ABCA4: variants seen among roughly 807,000 people sequenced by gnomAD.
ABCA4 encodes the protein ATP binding cassette subfamily A member 4.
In ABCA4, 196 loss-of-function variants were observed where a neutral mutation model predicts 263.7. The ratio of observed to expected loss-of-function variants is 0.74; its 90% CI spans 0.66 to 0.84. The LOEUF is 0.84. ABCA4 is among the 40% of genes least tolerant of loss of function. The probability of loss-of-function intolerance (pLI) is 0.00; values close to 1 mark genes in which losing one functional copy is unlikely to be tolerated. For missense variants in ABCA4, 2,792 were observed against 2,855.1 expected (o/e 0.98, Z 0.50); for synonymous variants, 1,133 against 1,094.2 (o/e 1.04, Z -0.70).
chr1:94,118,871 C>T (rs576204978), intron 1 of ABCA4, among the ~76,000 whole-genome samples: 6 of 152,198 alleles, frequency 3.9e-5, no homozygotes, highest in Admixed American at 1.3e-4. Context: ...TCTGTCACAG[C>T]GACATGAGCG....
At chr1:94,008,126 G>A in intron 42 of ABCA4, 109 bp downstream of exon 42, 1 of 984,560 alleles carries the variant, frequency 1.0e-6, no homozygotes, top group Non-Finnish European at 1.6e-6. Context: ...TATGTGACTT[G>A]CATTATGGCA....
Position 94,021,781 on chromosome 1 carries a change from GTTTCTCATTCA to G in ABCA4, c.4773+54_4773+64del, listed in dbSNP as rs1358680105. 7 of 1,604,574 alleles carry G rather than the reference GTTTCTCATTCA, an allele frequency of 4.4e-6. No individual in the cohort carries two copies. In the Admixed American group the frequency reaches 5.0e-5, roughly 11 times the overall value. On this transcript the variant is annotated intron_variant, in intron 33 of 49. Coordinates refer to ENST00000370225, the MANE Select transcript of ABCA4 (RefSeq NM_000350.3). ...TTTTTTCCTGTTATCACTCATGAGAGTTTCTCATTCATGGTAGTTAAGCAAGTCAAAAATCC... is the reference window on the plus strand; with the variant it reads ...TTTTTTCCTGTTATCACTCATGAGAGTGGTAGTTAAGCAAGTCAAAAATCC...
chr1:94,079,553 C>T, intron 8 of ABCA4, 92 bp from the exon 9 acceptor site: 1 of 1,570,772 alleles, frequency 6.4e-7, no homozygotes, highest in Non-Finnish European at 8.8e-7. Context: ...ATGTCTCATT[C>T]AACTCCATGC....
intron 24 of ABCA4, among the ~76,000 whole-genome samples, chr1:94,039,468 T>A (rs1459409469): frequency 6.6e-6 from 1 of 152,224 alleles, no homozygotes; most frequent in Admixed American, 6.5e-5. Context: ...TTCTCTCACA[T>A]AGAGAGGGGA....
chr1:94,004,380 T>C (rs1190667646), intron 44 of ABCA4, among the ~76,000 whole-genome samples: 4 of 152,208 alleles, frequency 2.6e-5, no homozygotes, highest in African/African-American at 9.6e-5. Flanking sequence ...AAACATTTAT[T>C]AATTTATTTA....
At chr1:94,076,957 G>A (rs780337414) in intron 11 of ABCA4, among the ~76,000 whole-genome samples, 6 of 152,180 alleles carry the variant, frequency 3.9e-5, no homozygotes, top group African/African-American at 9.7e-5. Context: ...GATCCTGTTC[G>A]CTCCTCTTAA....
chr1:94,051,190 A>C, intron 17 of ABCA4, among the ~76,000 whole-genome samples: 1 of 152,158 alleles, frequency 6.6e-6, no homozygotes, highest in East Asian at 1.9e-4. Flanking sequence ...AGGAGTCTTC[A>C]TCTTGGGAGA....
Position 94,010,024 on chromosome 1 carries a change from C to T in ABCA4, c.5714+776G>A, listed in dbSNP as rs139974827. On this transcript the variant is annotated intron_variant, in intron 40 of 49. Transcript: ENST00000370225. ...AAAGGCAGATTCATTTCCAATAAAT[C>T]AATTCCCTGTGGATCAAAACATAAA... Among the ~76,000 whole-genome samples the T allele has an allele frequency of 5.1e-4, 77 of 152,360 alleles. 1 individual carries two copies. The South Asian group carries it at 5.2e-3, about 10-fold the overall frequency.
chr1:94,041,643 G>C (rs1428083402), intron 22 of ABCA4, among the ~76,000 whole-genome samples: 1 of 152,182 alleles, frequency 6.6e-6, no homozygotes, highest in Admixed American at 6.5e-5. Flanking sequence ...ATCCAGCATA[G>C]GATCTGATTC....
At chr1:94,059,661 A>G (rs931023876) in intron 14 of ABCA4, 1 of 152,306 alleles carries the variant, frequency 6.6e-6, no homozygotes, top group Non-Finnish European at 1.5e-5. Context: ...AGCACTTCCT[A>G]TCATGATGGG....
At chr1:94,113,163 G>A (rs1662659986) in intron 1 of ABCA4, 97 bp from the exon 2 acceptor site, 2 of 1,142,088 alleles carry the variant, frequency 1.8e-6, no homozygotes, top group Non-Finnish European at 2.6e-6. Flanking sequence ...GATCCCATGT[G>A]TGCAGTAGGA....
At chr1:94,035,424 A>G (rs925157877) in intron 26 of ABCA4, among the ~76,000 whole-genome samples, 2 of 152,158 alleles carry the variant, frequency 1.3e-5, no homozygotes, top group African/African-American at 4.8e-5. Context: ...GGACGACTAC[A>G]TCTTTTGGTC....
At chr1:94,007,595 G>T in intron 43 of ABCA4, 39 bp downstream of exon 43, 1 of 1,551,668 alleles carries the variant, frequency 6.4e-7, no homozygotes, top group South Asian at 1.1e-5. Context: ...CACAGGACCT[G>T]TGAGAGACTC....
At chr1:94,039,533 C>T (rs1660430676) in intron 24 of ABCA4, among the ~76,000 whole-genome samples, 3 of 152,198 alleles carry the variant, frequency 2.0e-5, no homozygotes, top group Admixed American at 6.5e-5. Context: ...AGCTTCAGTG[C>T]ATCCTAATTA....
At chr1:94,074,420 G>T (rs1033505005) in intron 11 of ABCA4, among the ~76,000 whole-genome samples, 5 of 152,122 alleles carry the variant, frequency 3.3e-5, no homozygotes, top group African/African-American at 1.2e-4. Context: ...CTAGAAGAAA[G>T]CCTAGGCAAT....
At chr1:94,088,484 T>C (rs1023603911) in intron 6 of ABCA4, among the ~76,000 whole-genome samples, 3 of 152,250 alleles carry the variant, frequency 2.0e-5, no homozygotes, top group Non-Finnish European at 4.4e-5. Context: ...CAGACTTACA[T>C]ATCCAACTGT....
At chr1:94,083,605 T>A (rs1661760150) in intron 6 of ABCA4, among the ~76,000 whole-genome samples, 164 bp from the exon 7 acceptor site, 1 of 152,242 alleles carries the variant, frequency 6.6e-6, no homozygotes, top group African/African-American at 2.4e-5. Flanking sequence ...AAAACTCTTT[T>A]ATTTAATTGA....
At chr1:94,093,535 A>G (rs746344400) in intron 6 of ABCA4, among the ~76,000 whole-genome samples, 7 of 152,216 alleles carry the variant, frequency 4.6e-5, no homozygotes, top group Non-Finnish European at 8.8e-5. Flanking sequence ...TATTTACTGA[A>G]CAAAGGCCAG....
rs2101166972 is a variant in ABCA4 at position 94,113,023 on chromosome 1, A to G, written c.110T>C (p.Leu37Pro). 1 of 1,614,198 alleles carries G rather than the reference A, an allele frequency of 6.2e-7. No individual in the cohort carries two copies. Among genetic ancestry groups the G allele is most frequent in the Non-Finnish European group, 8.5e-7 (1 of 1,180,012 alleles). ...GGCATTCCTTAACCAGATCAAGACC[A>G]GAAATAAAGATAAAGGCCACACGAG... Reference protein sequence around the residue: ...VELVWPLSLFLVLIWLRNANP... With the variant: ...VELVWPLSLFPVLIWLRNANP... The change falls in exon 2 of 50, where the codon CTG becomes CCG. Residue 37 changes from leucine (L) to proline (P), a missense_variant. Coordinates refer to ENST00000370225, the MANE Select transcript of ABCA4 (RefSeq NM_000350.3).
Sources: allele counts gnomAD v4.1 joint callset (sites outside exome capture counted in the v4.1 genomes callset), GRCh38; gene constraint gnomAD v4.1.1; transcripts MANE v1.5; gene names NCBI Gene and HGNC (gene_info 2026-07-23, HGNC 2026-07-21).